The following DPP6 variants were observed in gnomAD, a reference collection of about 807,000 sequenced individuals.
DPP6 encodes the protein A-type potassium channel modulatory protein DPP6.
DPP6 carries 69 observed loss-of-function variants against 122.6 expected under a neutral mutation model. That is an observed-to-expected ratio of 0.56 (90% CI 0.46 to 0.69). The LOEUF is 0.69. Among genes scored for constraint, DPP6 ranks in the 30% least tolerant of loss-of-function variants. The pLI, the probability that DPP6 is intolerant of heterozygous loss-of-function variation, is 0.00. For missense variants in DPP6, 928 were observed against 1,116.9 expected, an observed-to-expected ratio of 0.83 and a Z score of 2.41; for synonymous variants, 418 against 433.1, an observed-to-expected ratio of 0.97 and a Z score of 0.43.
At chr7:153,848,040 C>T in the DPP6 span, among the ~76,000 whole-genome samples, 34 of 152,242 alleles carry the variant, frequency 2.2e-4, no homozygotes, top group Admixed American at 1.3e-3. Flanking sequence ...GGTCAAGCGA[C>T]GGATGAAAAA....
intron 1 of DPP6, among the ~76,000 whole-genome samples, chr7:154,068,826 A>G (rs117499438): frequency 2.3e-5 from 1 of 43,250 alleles, no homozygotes; most frequent in Non-Finnish European, 4.3e-5. Context: ...ACTAGATGTT[A>G]ACTGTTGGAA....
At chr7:154,062,749 G>T (rs189996994) in intron 1 of DPP6, among the ~76,000 whole-genome samples, 542 of 48,070 alleles carry the variant, frequency 0.011, 19 homozygotes, top group Middle Eastern at 0.023. Context: ...CACCCTCCGC[G>T]AGGCAGGGAC....
At position 154,760,313 on chromosome 7, in the gene DPP6, A is replaced by G. The variant is rs1026220664; in HGVS notation, c.884-9104A>G. ...CTTCAGCACACACAATTATTTCTTC[A>G]CGATTACTCATGGGCTGTGTGTGCA... On this transcript the variant is annotated intron_variant, in intron 8 of 25. Transcript: ENST00000377770. This position sits in a 1 kb window ranked among gnomAD's most constrained non-coding sequence, Gnocchi z 4.5. 2.6e-5 allele frequency among the ~76,000 whole-genome samples: 4 copies of G among 151,900 alleles called. No homozygotes were observed. Among genetic ancestry groups the G allele is most frequent in the African/African-American group, 9.7e-5 (4 of 41,334 alleles).
At chr7:154,148,064 G>A (rs1381667849) in intron 1 of DPP6, among the ~76,000 whole-genome samples, 2 of 149,214 alleles carry the variant, frequency 1.3e-5, no homozygotes, top group Non-Finnish European at 2.9e-5. Flanking sequence ...AGAGCGGACC[G>A]TGAAGGTGTC....
At position 154,868,651 on chromosome 7, in the gene DPP6, A is replaced by G. The variant is rs147482402; in HGVS notation, c.1813+558A>G. Among the ~76,000 whole-genome samples, 346 of 152,268 alleles carry G rather than the reference A, an allele frequency of 2.3e-3. 2 individuals carry two copies. Among genetic ancestry groups the G allele is most frequent in the African/African-American group, 8.0e-3 (332 of 41,548 alleles). On this transcript the variant is annotated intron_variant, in intron 18 of 25. Transcript: ENST00000377770. ...ACTAACTCTGTGCTAGGCGTTGCTAAGCACTAAACACCCCAGAGCATTAGC... is the reference window on the plus strand; with the variant it reads ...ACTAACTCTGTGCTAGGCGTTGCTAGGCACTAAACACCCCAGAGCATTAGC...
At chr7:153,964,103 C>T (rs1363527902) in intron 1 of DPP6, among the ~76,000 whole-genome samples, 1 of 152,174 alleles carries the variant, frequency 6.6e-6, no homozygotes, top group African/African-American at 2.4e-5. Flanking sequence ...TCAAGTGATT[C>T]TCCTGCCTCA....
chr7:154,848,236 G>A (rs1028922342), intron 16 of DPP6, among the ~76,000 whole-genome samples: 2 of 151,592 alleles, frequency 1.3e-5, no homozygotes, highest in Non-Finnish European at 2.9e-5. Context: ...GTTTTTTTTT[G>A]AGGAACCACC....
At chr7:154,314,173 C>T (rs1482445610) in intron 1 of DPP6, among the ~76,000 whole-genome samples, 1 of 152,284 alleles carries the variant, frequency 6.6e-6, no homozygotes, top group Middle Eastern at 3.4e-3. Context: ...ATCCGAGCTC[C>T]TCCACCTGCT....
chr7:153,864,329 GA>G, the DPP6 span, among the ~76,000 whole-genome samples: 1 of 152,108 alleles, frequency 6.6e-6, no homozygotes, highest in Admixed American at 6.6e-5. Context: ...CTCCCTTGTA[GA>G]AAAACAAGAG....
intron 6 of DPP6, among the ~76,000 whole-genome samples, chr7:154,649,705 G>A (rs951421542): frequency 6.6e-6 from 1 of 152,318 alleles, no homozygotes; most frequent in African/African-American, 2.4e-5. Context: ...GCCTCATGGG[G>A]GATGGTGTCC....
chr7:154,819,332 T>C (rs748312656), intron 16 of DPP6, among the ~76,000 whole-genome samples: 2 of 152,168 alleles, frequency 1.3e-5, no homozygotes, highest in African/African-American at 2.4e-5. Flanking sequence ...GGAGAATCAC[T>C]TGAACCCGGG....
At chr7:154,810,750 G>A (rs1312277306) in intron 16 of DPP6, among the ~76,000 whole-genome samples, 2 of 150,828 alleles carry the variant, frequency 1.3e-5, no homozygotes, top group Non-Finnish European at 3.0e-5. Flanking sequence ...TCACACACAC[G>A]ACTGACCCAG....
chr7:154,482,847 G>C (rs1285292392), intron 3 of DPP6, among the ~76,000 whole-genome samples: 3 of 150,240 alleles, frequency 2.0e-5, no homozygotes, highest in African/African-American at 7.5e-5. Flanking sequence ...CCAGGGAAGA[G>C]AGCACTGTCA....
intron 1 of DPP6, among the ~76,000 whole-genome samples, chr7:154,401,066 A>C (rs1020364536): frequency 6.6e-6 from 1 of 152,028 alleles, no homozygotes; most frequent in East Asian, 1.9e-4. Context: ...GTGTGGTGGC[A>C]TGCACCTGTA....
At chr7:154,784,802 C>T (rs79590987) in intron 10 of DPP6, among the ~76,000 whole-genome samples, 8,920 of 152,242 alleles carry the variant, frequency 0.059, 358 homozygotes, top group Middle Eastern at 0.11. Context: ...TCCACAGACC[C>T]GTCTAATCTG....
chr7:154,647,885 C>A (rs1306594624), intron 6 of DPP6, among the ~76,000 whole-genome samples: 3 of 151,922 alleles, frequency 2.0e-5, no homozygotes, highest in Admixed American at 6.6e-5. Flanking sequence ...AGAGAAAGGC[C>A]CATGGGTGTC....
At chr7:154,817,042 C>CCCGG (rs1002159863) in intron 16 of DPP6, among the ~76,000 whole-genome samples, 3 of 152,176 alleles carry the variant, frequency 2.0e-5, no homozygotes, top group African/African-American at 4.8e-5. Context: ...CCTTCAGGTG[C>CCCGG]CCGGAGCTCC....
chr7:154,079,592 G>A (rs1411742936), intron 1 of DPP6, among the ~76,000 whole-genome samples: 2 of 152,126 alleles, frequency 1.3e-5, no homozygotes, highest in African/African-American at 4.8e-5. Flanking sequence ...AACAAGCACG[G>A]CCCCTTTGAG....
intron 1 of DPP6, among the ~76,000 whole-genome samples, chr7:153,991,972 TG>T (rs1381287477): frequency 1.3e-5 from 2 of 152,094 alleles, no homozygotes; most frequent in African/African-American, 4.8e-5. Flanking sequence ...GTCGAAGTGC[TG>T]GCATCTGGCA....
Sources: allele counts gnomAD v4.1 joint callset (sites outside exome capture counted in the v4.1 genomes callset), GRCh38; gene constraint gnomAD v4.1.1; non-coding constraint Gnocchi (gnomAD v3.1); transcripts MANE v1.5; gene names NCBI Gene and HGNC (gene_info 2026-07-23, HGNC 2026-07-21).